Variants in ITPRID1 observed in about 807,000 individuals in gnomAD.
The protein encoded by ITPRID1 is ITPR interacting domain containing 1, also known as protein ITPRID1.
A neutral mutation model predicts 95.4 loss-of-function variants in ITPRID1; 96 were observed. The ratio of observed to expected loss-of-function variants is 1.01; its 90% CI spans 0.85 to 1.19. The LOEUF (loss-of-function observed/expected upper bound fraction) is 1.19. ITPRID1 is among the 50% of genes most tolerant of loss of function. ITPRID1 has a pLI of 0.00. For missense variants in ITPRID1, 1,339 were observed against 1,252.9 expected (o/e 1.07, Z -1.04); for synonymous variants, 510 against 453.6 (o/e 1.12, Z -1.58).
At chr7:31,569,641 G>T in intron 5 of ITPRID1, 117 bp from the exon 6 acceptor site, 1 of 762,776 alleles carries the variant, frequency 1.3e-6, no homozygotes, top group East Asian at 2.7e-5. Context: ...TGTATTTCAT[G>T]CCTATATAAC....
chr7:31,592,105 C>T (rs886827781), intron 10 of ITPRID1, among the ~76,000 whole-genome samples: 1 of 152,252 alleles, frequency 6.6e-6, no homozygotes, highest in African/African-American at 2.4e-5. Context: ...TTATACCCAG[C>T]CCTACTCTTT....
chr7:31,621,138 A>G (rs1787840555), intron 10 of ITPRID1, among the ~76,000 whole-genome samples: 1 of 150,858 alleles, frequency 6.6e-6, no homozygotes, highest in African/African-American at 2.4e-5. Flanking sequence ...TGATTGGTGT[A>G]CCTGAAAGTG....
intron 9 of ITPRID1, among the ~76,000 whole-genome samples, chr7:31,579,560 G>A (rs964141610): frequency 1.3e-5 from 2 of 152,124 alleles, no homozygotes; most frequent in Admixed American, 6.5e-5. Flanking sequence ...ACATATTTTC[G>A]GGTATTCCAG....
chr7:31,515,292 A>G (rs1783009334), intron 1 of ITPRID1, among the ~76,000 whole-genome samples: 1 of 152,058 alleles, frequency 6.6e-6, no homozygotes, highest in South Asian at 2.1e-4. Flanking sequence ...GTTAAAAAAA[A>G]AAAAAGAAAA....
downstream of ITPRID1, chr7:31,658,297 C>CT: frequency 6.7e-7 from 1 of 1,498,752 alleles, no homozygotes. Context: ...AGAGCTGGAT[C>CT]CCTTTTTTTT....
chr7:31,643,905 G>A lies in ITPRID1; in HGVS notation c.2535G>A (p.Met845Ile). 6.2e-7 allele frequency: 1 copy of A among 1,613,818 alleles called. No individual in the cohort carries two copies. The highest frequency in any genetic ancestry group is 1.7e-5 in the Admixed American group (1 of 60,022). Residue 845 changes from methionine to isoleucine, a missense_variant, in exon 12 of 15, where the codon ATG (methionine) becomes ATA (isoleucine). Coordinates refer to ENST00000615280, the MANE Select transcript of ITPRID1 (RefSeq NM_001257967.3). ...SLTGHQEAQF[M>I]TTLKALQDTT... ...CTGGTCACCAGGAAGCCCAGTTCATGACGACTTTGAAAGCCCTTCAGGACA... is the reference window on the plus strand; with the variant it reads ...CTGGTCACCAGGAAGCCCAGTTCATAACGACTTTGAAAGCCCTTCAGGACA...
intron 1 of ITPRID1, among the ~76,000 whole-genome samples, chr7:31,520,818 T>A (rs1397862119): frequency 6.6e-6 from 1 of 152,012 alleles, no homozygotes; most frequent in Admixed American, 6.5e-5. Context: ...TATGTAATCA[T>A]TTATACCTAT....
chr7:31,563,099 T>A (rs776455718), intron 5 of ITPRID1, among the ~76,000 whole-genome samples: 1 of 152,084 alleles, frequency 6.6e-6, no homozygotes, highest in Non-Finnish European at 1.5e-5. Context: ...TAAAACATAA[T>A]GAAGATATTG....
rs368075769 is a variant in ITPRID1, at chr7:31,615,169, A to G, written c.1229-27007A>G. 4.6e-5 allele frequency among the ~76,000 whole-genome samples: 7 copies of G among 152,278 alleles called. No homozygotes were observed. The South Asian group carries it at 1.2e-3, about 27-fold the overall frequency. On this transcript the variant is annotated intron_variant, in intron 10 of 14. Coordinates refer to ENST00000615280, the MANE Select transcript of ITPRID1 (RefSeq NM_001257967.3). Reference sequence around the variant, plus strand: ...AACAAGGGTGATCTAGGTTTGCTGAACACATACTGTAGATATTTTCCCATT... The same window carrying G: ...AACAAGGGTGATCTAGGTTTGCTGAGCACATACTGTAGATATTTTCCCATT...
At chr7:31,637,868 A>G (rs1479701812) in intron 10 of ITPRID1, among the ~76,000 whole-genome samples, 1 of 152,172 alleles carries the variant, frequency 6.6e-6, no homozygotes, top group Admixed American at 6.5e-5. Context: ...TTATGGTTTT[A>G]GGTCTAACAT....
intron 10 of ITPRID1, among the ~76,000 whole-genome samples, chr7:31,631,774 G>A (rs552036507): frequency 2.6e-5 from 4 of 152,302 alleles, no homozygotes; most frequent in Non-Finnish European, 5.9e-5. Flanking sequence ...CAAATGTTAC[G>A]TAGAAATCTT....
chr7:31,630,207 G>A (rs1239157622), intron 10 of ITPRID1, among the ~76,000 whole-genome samples: 3 of 72,612 alleles, frequency 4.1e-5, no homozygotes, highest in Admixed American at 1.8e-4. Context: ...AATTACCAGA[G>A]GAAAAGAGGC....
At chr7:31,529,927 G>GC (rs1783541386) in intron 1 of ITPRID1, 2 of 876,622 alleles carry the variant, frequency 2.3e-6, no homozygotes, top group Non-Finnish European at 3.6e-6. Flanking sequence ...TGAAAGGGCA[G>GC]CGATGGCGTG....
At chr7:31,571,295 G>A (rs1486166253) in intron 6 of ITPRID1, among the ~76,000 whole-genome samples, 1 of 152,040 alleles carries the variant, frequency 6.6e-6, no homozygotes, top group Non-Finnish European at 1.5e-5. Flanking sequence ...CAAAGTACTG[G>A]GATTACAGGC....
chr7:31,605,739 G>T (rs945320249), intron 10 of ITPRID1, among the ~76,000 whole-genome samples: 1 of 152,188 alleles, frequency 6.6e-6, no homozygotes, highest in African/African-American at 2.4e-5. Context: ...AAAAGAGTTG[G>T]CATTTTCCCC....
At position 31,652,748 on chromosome 7, in the gene ITPRID1, A is replaced by G. The variant is rs765484811; in HGVS notation, c.3054A>G (p.Ser1018=). 5.8e-5 allele frequency: 93 copies of G among 1,613,974 alleles called. No homozygotes were observed. The highest frequency in any genetic ancestry group is 7.6e-5 in the Non-Finnish European group (90 of 1,179,884). ...AGAACAGCACCAGGATGTCTCCTTC[A>G]TCATCAGCTTGGGCAAAGTTAGGTC... ...TLENSTRMSP[S]SSAWAKLGPT... is the part of the protein sequence containing the mutation. Residue 1018 remains serine, a synonymous_variant, in exon 15 of 15, where the codon TCA becomes TCG. Coordinates refer to ENST00000615280, the MANE Select transcript of ITPRID1 (RefSeq NM_001257967.3).
chr7:31,587,604 A>G (rs1001547161), intron 10 of ITPRID1, among the ~76,000 whole-genome samples: 1 of 150,770 alleles, frequency 6.6e-6, no homozygotes, highest in Non-Finnish European at 1.5e-5. Flanking sequence ...CCATCAAGCT[A>G]CCAATGCCTT....
At chr7:31,547,001 G>A (rs1486194675) in intron 1 of ITPRID1, among the ~76,000 whole-genome samples, 1 of 152,062 alleles carries the variant, frequency 6.6e-6, no homozygotes, top group African/African-American at 2.4e-5. Flanking sequence ...TCTTAGAGAG[G>A]CTTATATTTA....
chr7:31,637,825 G>C (rs539561168), intron 10 of ITPRID1, among the ~76,000 whole-genome samples: 1 of 152,296 alleles, frequency 6.6e-6, no homozygotes, highest in African/African-American at 2.4e-5. Flanking sequence ...CCTATGTCCT[G>C]AACAGTATTG....
Sources: gnomAD v4.1 joint callset for allele counts (sites outside exome capture counted in the v4.1 genomes callset) on GRCh38, gnomAD v4.1.1 for gene constraint, MANE v1.5 for transcripts, NCBI Gene and HGNC (gene_info 2026-07-23, HGNC 2026-07-21) for gene names.